RPS6KC1: variants seen among roughly 807,000 people sequenced by gnomAD.
The protein encoded by RPS6KC1 is inactive ribosomal protein S6 kinase delta-1.
In RPS6KC1, 54 loss-of-function variants were observed where a neutral mutation model predicts 103.8. The ratio of observed to expected loss-of-function variants is 0.52; its 90% CI spans 0.42 to 0.65. The LOEUF (loss-of-function observed/expected upper bound fraction) is 0.65. Among genes scored for constraint, RPS6KC1 ranks in the 30% least tolerant of loss-of-function variants. The pLI is 0.00. For synonymous variants in RPS6KC1, 439 were observed against 438.7 expected, an observed-to-expected ratio of 1.00 and a Z score of -0.01; for missense variants, 1,151 against 1,253.8, an observed-to-expected ratio of 0.92 and a Z score of 1.24.
chr1:213,387,210 G>A, the RPS6KC1 span, among the ~76,000 whole-genome samples: 3 of 152,350 alleles, frequency 2.0e-5, no homozygotes, highest in African/African-American at 4.8e-5. Context: ...CAGGGTTGCT[G>A]GAGGGAGTTG....
At chr1:213,729,060 T>C in the RPS6KC1 span, among the ~76,000 whole-genome samples, 1 of 149,602 alleles carries the variant, frequency 6.7e-6, no homozygotes, top group South Asian at 2.1e-4. Context: ...AGTAAATATG[T>C]CCAAAGTGCT....
the RPS6KC1 span, among the ~76,000 whole-genome samples, chr1:213,644,546 C>T: frequency 6.6e-6 from 1 of 152,010 alleles, no homozygotes; most frequent in Non-Finnish European, 1.5e-5. Context: ...CCCCCCATAC[C>T]CTGGCAACTA....
intron 6 of RPS6KC1, among the ~76,000 whole-genome samples, chr1:213,151,367 C>T (rs574499644): frequency 3.9e-5 from 5 of 129,472 alleles, no homozygotes; most frequent in Admixed American, 1.4e-4. Flanking sequence ...ACCTCCCTCC[C>T]GGACGGGGCG....
the RPS6KC1 span, among the ~76,000 whole-genome samples, chr1:213,737,931 G>A: frequency 2.0e-5 from 3 of 152,182 alleles, no homozygotes; most frequent in South Asian, 2.1e-4. Context: ...AGTTTGATTT[G>A]CTTCAGCACC....
the RPS6KC1 span, among the ~76,000 whole-genome samples, chr1:213,655,793 A>G: frequency 6.6e-6 from 1 of 152,224 alleles, no homozygotes; most frequent in Non-Finnish European, 1.5e-5. Context: ...TTGATATAAA[A>G]TAATATACAG....
chr1:213,802,474 C>T, the RPS6KC1 span, among the ~76,000 whole-genome samples: 1 of 152,192 alleles, frequency 6.6e-6, no homozygotes, highest in Admixed American at 6.5e-5. Context: ...AGAAAATGAA[C>T]TTGACCTCCA....
chr1:213,758,302 G>A, the RPS6KC1 span, among the ~76,000 whole-genome samples: 303 of 152,294 alleles, frequency 2.0e-3, 2 homozygotes, highest in Middle Eastern at 0.014. Context: ...ATTCAGCAGG[G>A]CATGGTGGCT....
chr1:213,648,276 T>G, the RPS6KC1 span, among the ~76,000 whole-genome samples: 1 of 152,136 alleles, frequency 6.6e-6, no homozygotes, highest in Admixed American at 6.5e-5. Flanking sequence ...TTGGGAACTA[T>G]GGCTTTAAGC....
chr1:213,453,345 T>C, the RPS6KC1 span, among the ~76,000 whole-genome samples: 1 of 152,050 alleles, frequency 6.6e-6, no homozygotes, highest in African/African-American at 2.4e-5. Context: ...CAGACACTTA[T>C]GAGTGTGGTA....
chr1:213,765,289 G>A, the RPS6KC1 span, among the ~76,000 whole-genome samples: 1 of 152,160 alleles, frequency 6.6e-6, no homozygotes, highest in African/African-American at 2.4e-5. Context: ...CAATTCCATA[G>A]CGCCCCTAAG....
the RPS6KC1 span, among the ~76,000 whole-genome samples, chr1:213,626,000 G>A: frequency 7.0e-4 from 106 of 152,234 alleles, no homozygotes; most frequent in South Asian, 0.01. Flanking sequence ...CTAAGGAATC[G>A]CCACACTGAC....
chr1:213,679,095 T>C, the RPS6KC1 span, among the ~76,000 whole-genome samples: 1 of 152,184 alleles, frequency 6.6e-6, no homozygotes, highest in Non-Finnish European at 1.5e-5. Flanking sequence ...TCAAGACAGA[T>C]AACTGAATAC....
chr1:213,851,595 T>C, the RPS6KC1 span, among the ~76,000 whole-genome samples: 1 of 152,216 alleles, frequency 6.6e-6, no homozygotes, highest in Non-Finnish European at 1.5e-5. Context: ...CACTCGTCTA[T>C]GTGCTGCTGA....
chr1:213,524,662 G>A, the RPS6KC1 span, among the ~76,000 whole-genome samples: 1 of 152,212 alleles, frequency 6.6e-6, no homozygotes, highest in Non-Finnish European at 1.5e-5. Context: ...CTGAGACTCA[G>A]TCTTCTCATC....
chr1:213,661,499 C>T, the RPS6KC1 span, among the ~76,000 whole-genome samples: 1 of 152,160 alleles, frequency 6.6e-6, no homozygotes, highest in Non-Finnish European at 1.5e-5. Context: ...GATAACTCAC[C>T]CCAAGGGGAT....
chr1:213,382,787 G>A, the RPS6KC1 span, among the ~76,000 whole-genome samples: 2 of 152,162 alleles, frequency 1.3e-5, no homozygotes, highest in Admixed American at 1.3e-4. Context: ...ACCCGTTCGA[G>A]CCATTTTCCT....
At chr1:213,833,120 G>T in the RPS6KC1 span, among the ~76,000 whole-genome samples, 1 of 152,186 alleles carries the variant, frequency 6.6e-6, no homozygotes, top group Non-Finnish European at 1.5e-5. Context: ...AACCCACAGA[G>T]CCTGGAGCTG....
chr1:213,628,286 A>C, the RPS6KC1 span, among the ~76,000 whole-genome samples: 1 of 151,934 alleles, frequency 6.6e-6, no homozygotes. Context: ...ATCATTTTTT[A>C]TTGCATCTAT....
the RPS6KC1 span, among the ~76,000 whole-genome samples, chr1:213,641,481 T>A: frequency 6.6e-6 from 1 of 152,128 alleles, no homozygotes; most frequent in African/African-American, 2.4e-5. Context: ...GGTTACAATG[T>A]CAGTTCCACT....
Sources: allele counts gnomAD v4.1 joint callset (sites outside exome capture counted in the v4.1 genomes callset), GRCh38; gene constraint gnomAD v4.1.1; transcripts MANE v1.5; gene names NCBI Gene and HGNC (gene_info 2026-07-23, HGNC 2026-07-21).